Variants in RBFOX1 observed in about 807,000 individuals in gnomAD.
RBFOX1 encodes RNA binding protein fox-1 homolog 1.
RBFOX1 carries 8 observed loss-of-function variants against 57.7 expected under a neutral mutation model. That is an observed-to-expected ratio of 0.14 (90% CI 0.08 to 0.25). The LOEUF (loss-of-function observed/expected upper bound fraction) is 0.25. Among genes scored for constraint, RBFOX1 ranks in the 10% least tolerant of loss-of-function variants. The probability of loss-of-function intolerance (pLI) is 1.00; values close to 1 mark genes in which losing one functional copy is unlikely to be tolerated. For missense variants in RBFOX1, 611 were observed against 548.5 expected, an observed-to-expected ratio of 1.11 and a Z score of -1.14; for synonymous variants, 326 against 222.4, an observed-to-expected ratio of 1.47 and a Z score of -4.15.
intron 3 of RBFOX1, among the ~76,000 whole-genome samples, chr16:5,802,406 A>C (rs1021559649): frequency 6.6e-6 from 1 of 152,114 alleles, no homozygotes; most frequent in East Asian, 1.9e-4. Flanking sequence ...CATGCAAACA[A>C]GGGTGGGATA....
chr16:6,959,960 C>G (rs1598414686), intron 3 of RBFOX1, among the ~76,000 whole-genome samples: 1 of 152,048 alleles, frequency 6.6e-6, no homozygotes, highest in African/African-American at 2.4e-5. Context: ...TTAATAAATG[C>G]CAAGAAAGCC....
At chr16:6,804,847 C>G (rs1436631324) in intron 3 of RBFOX1, among the ~76,000 whole-genome samples, 1 of 152,128 alleles carries the variant, frequency 6.6e-6, no homozygotes, top group Non-Finnish European at 1.5e-5. Flanking sequence ...CAGTTATGTC[C>G]TCCATAGTCA....
At chr16:6,305,209 A>G (rs1227246138) in intron 1 of RBFOX1, among the ~76,000 whole-genome samples, 1 of 152,220 alleles carries the variant, frequency 6.6e-6, no homozygotes, top group Non-Finnish European at 1.5e-5. Flanking sequence ...GAGAGCAAAT[A>G]TAGCACAACT....
At chr16:5,691,566 A>G (rs2050681370) in intron 3 of RBFOX1, among the ~76,000 whole-genome samples, 2 of 150,430 alleles carry the variant, frequency 1.3e-5, no homozygotes, top group South Asian at 4.1e-4. Context: ...CAGATTTTGA[A>G]TTTTTTCAAA....
chr16:7,202,289 G>A (rs1213031527), intron 4 of RBFOX1, among the ~76,000 whole-genome samples: 1 of 121,256 alleles, frequency 8.2e-6, no homozygotes, highest in Non-Finnish European at 1.7e-5. Context: ...ACATTAGGAT[G>A]GCTGCAAATA....
intron 5 of RBFOX1, among the ~76,000 whole-genome samples, chr16:7,529,628 T>A (rs1489057140): frequency 6.6e-6 from 1 of 152,192 alleles, no homozygotes; most frequent in African/African-American, 2.4e-5. Flanking sequence ...GGTTCTCCTG[T>A]TCACTACTAT....
intron 3 of RBFOX1, among the ~76,000 whole-genome samples, chr16:6,974,686 G>A (rs2086410038): frequency 6.6e-6 from 1 of 152,012 alleles, no homozygotes; most frequent in African/African-American, 2.4e-5. Context: ...AAGACCATCA[G>A]GAGGGTAGTA....
At chr16:5,310,400 C>CA (rs200809503) in intron 1 of RBFOX1, among the ~76,000 whole-genome samples, 9,480 of 143,326 alleles carry the variant, frequency 0.066, 858 homozygotes, top group African/African-American at 0.21. Context: ...GACTCTGTCT[C>CA]AAAAAAAAAA....
chr16:6,967,353 T>A (rs896937094), intron 3 of RBFOX1, among the ~76,000 whole-genome samples: 1 of 152,178 alleles, frequency 6.6e-6, no homozygotes, highest in African/African-American at 2.4e-5. Context: ...GGGTTGGCTC[T>A]CATGTTCCTT....
At chr16:7,200,614 C>A (rs1157364104) in intron 4 of RBFOX1, among the ~76,000 whole-genome samples, 1 of 152,114 alleles carries the variant, frequency 6.6e-6, no homozygotes, top group Non-Finnish European at 1.5e-5. Context: ...ACCCAGTATC[C>A]CTTTATGCCT....
intron 1 of RBFOX1, among the ~76,000 whole-genome samples, chr16:6,271,595 A>C (rs2152675305): frequency 6.6e-6 from 1 of 152,294 alleles, no homozygotes; most frequent in East Asian, 1.9e-4. Context: ...TAGAGAGATG[A>C]CACAAATTAT....
chr16:7,362,777 T>C (rs1336918411), intron 4 of RBFOX1, among the ~76,000 whole-genome samples: 2 of 152,044 alleles, frequency 1.3e-5, no homozygotes, highest in Admixed American at 6.6e-5. Context: ...TGTGCGTATA[T>C]GTGTGTGTGT....
chr16:6,415,242 CAAAAAAAAAAAA>C (rs57296761), intron 2 of RBFOX1, among the ~76,000 whole-genome samples: 2 of 102,098 alleles, frequency 2.0e-5, no homozygotes, highest in Non-Finnish European at 3.9e-5. Context: ...AACTCTGTCA[CAAAAAAAAAAAA>C]AAAAAAAAAA....
chr16:5,760,401 C>A (rs1368982169), intron 3 of RBFOX1, among the ~76,000 whole-genome samples: 1 of 152,110 alleles, frequency 6.6e-6, no homozygotes, highest in South Asian at 2.1e-4. Flanking sequence ...CATACACACA[C>A]ACATACATAT....
intron 3 of RBFOX1, among the ~76,000 whole-genome samples, chr16:6,744,613 C>T (rs928655165): frequency 6.6e-6 from 1 of 151,872 alleles, no homozygotes; most frequent in Non-Finnish European, 1.5e-5. Context: ...AAGAGAAAAT[C>T]TAAATGGAAG....
chr16:5,658,004 T>C (rs1314131169), intron 3 of RBFOX1, among the ~76,000 whole-genome samples: 1 of 152,060 alleles, frequency 6.6e-6, no homozygotes, highest in Non-Finnish European at 1.5e-5. Context: ...AATGATGATA[T>C]TACAGGCGTG....
chr16:5,717,683 C>A (rs925541269), intron 3 of RBFOX1, among the ~76,000 whole-genome samples: 1 of 152,134 alleles, frequency 6.6e-6, no homozygotes, highest in African/African-American at 2.4e-5. Context: ...GCTGCAAAGG[C>A]CAGTATATCA....
At chr16:7,609,967 G>C (rs561702371) in intron 10 of RBFOX1, among the ~76,000 whole-genome samples, 2 of 148,146 alleles carry the variant, frequency 1.4e-5, no homozygotes, top group African/African-American at 5.0e-5. Context: ...ACAGGTATCC[G>C]CCACCATGCC....
intron 2 of RBFOX1, among the ~76,000 whole-genome samples, chr16:5,516,735 T>G (rs1434035311): frequency 6.6e-6 from 1 of 152,082 alleles, no homozygotes; most frequent in African/African-American, 2.4e-5. Context: ...TTTTGCATGC[T>G]GTTCTCGAGA....
Sources: allele counts gnomAD v4.1 joint callset (sites outside exome capture counted in the v4.1 genomes callset), GRCh38; gene constraint gnomAD v4.1.1; transcripts MANE v1.5; gene names NCBI Gene and HGNC (gene_info 2026-07-23, HGNC 2026-07-21).